Variants in FOXD4L6 observed in about 807,000 individuals in gnomAD.
FOXD4L6 encodes forkhead box protein D4-like 6.
In FOXD4L6, 1 loss-of-function variant was observed where a neutral mutation model predicts 12.9. The ratio of observed to expected loss-of-function variants is 0.08; its 90% CI spans 0.03 to 0.37. The LOEUF is 0.37. Among genes scored for constraint, FOXD4L6 ranks in the 10% least tolerant of loss-of-function variants. FOXD4L6 has a pLI of 0.99. For missense variants in FOXD4L6, 23 were observed against 369.9 expected (o/e 0.06, Z 7.69); for synonymous variants, 10 against 164.7 (o/e 0.06, Z 7.19).
rs1429652608 is a variant in FOXD4L6, at chr9:41,126,951, G to T, written c.*179C>A. The T allele has an allele frequency of 3.9e-6, 6 of 1,525,014 alleles. 1 individual carries two copies. The highest frequency in any genetic ancestry group is 1.3e-5 in the South Asian group (1 of 76,622). The allele number at this position is 1,525,014 out of a possible 1,614,324, so 94.5% of individuals were successfully genotyped here. ...GATGCACACGCCCTGAATGGGCCGC[G>T]CAAGGTGAAGTGAGCAGCTGCGGGT... On this transcript the variant is annotated 3_prime_UTR_variant, in exon 1 of 1. Coordinates refer to ENST00000622588, the MANE Select transcript of FOXD4L6 (RefSeq NM_001085476.4).
rs577716582 is a variant in FOXD4L6, at chr9:41,126,999, C to G, written c.*131G>C. ...GGTCGCTCCCCACTCCCACCTGGCTCTAGGAGGGCCCTGCGGAGTTGGCCA... is the reference window on the plus strand; with the variant it reads ...GGTCGCTCCCCACTCCCACCTGGCTGTAGGAGGGCCCTGCGGAGTTGGCCA... On this transcript the variant is annotated 3_prime_UTR_variant, in exon 1 of 1. Coordinates refer to ENST00000622588, the MANE Select transcript of FOXD4L6 (RefSeq NM_001085476.4). 2.0e-5 allele frequency: 31 copies of G among 1,513,470 alleles called. 1 individual carries two copies. The African/African-American group carries it at 4.4e-4, about 21-fold the overall frequency. The allele number at this position is 1,513,470 out of a possible 1,614,324, so 93.8% of individuals were successfully genotyped here.
In FOXD4L6 at chr9:41,127,214, G is replaced by A; in HGVS notation, c.1170C>T (p.Ile390=). The change falls in exon 1 of 1, where the codon ATC becomes ATT. Residue 390 remains isoleucine (I), a synonymous_variant. Coordinates refer to ENST00000622588, the MANE Select transcript of FOXD4L6 (RefSeq NM_001085476.4). ...CAGCCGTTGGCGCAGTCCTCCTCCTGATGCTGCTGCTATTGCTGCAAAATT... is the reference window on the plus strand; with the variant it reads ...CAGCCGTTGGCGCAGTCCTCCTCCTAATGCTGCTGCTATTGCTGCAAAATT... ...LGQFCSNSSS[I]RRRTAPTAAL... 1.2e-6 allele frequency: 2 copies of A among 1,609,352 alleles called. No homozygotes were observed. The highest frequency in any genetic ancestry group is 1.7e-6 in the Non-Finnish European group (2 of 1,178,908).
chr9:41,126,949 G>A lies in FOXD4L6; in HGVS notation c.*181C>T. On this transcript the variant is annotated 3_prime_UTR_variant, in exon 1 of 1. Coordinates refer to ENST00000622588, the MANE Select transcript of FOXD4L6 (RefSeq NM_001085476.4). The stretch of plus-strand genomic sequence containing the variant: ...CAGATGCACACGCCCTGAATGGGCC[G>A]CGCAAGGTGAAGTGAGCAGCTGCGG... The A allele has an allele frequency of 6.6e-7, 1 of 1,524,424 alleles. No individual in the cohort carries two copies. The highest frequency in any genetic ancestry group is 8.8e-7 in the Non-Finnish European group (1 of 1,139,290). 94.4% of individuals were successfully genotyped at this position (1,524,424 alleles called of 1,614,324 possible). A position where few individuals can be genotyped will look rare whatever the true frequency, so the allele number is the denominator to read the frequency against.
Position 41,127,337 on chromosome 9 carries a change from A to G in FOXD4L6, c.1047T>C (p.Arg349=), listed in dbSNP as rs1455188581. Residue 349 remains arginine, a synonymous_variant, in exon 1 of 1, where the codon CGT becomes CGC. Transcript: ENST00000622588. ...CGCTGGAGCAGGTGGCAGTAGCTCC[A>G]CGCGGTCGGGGACAAACTCTGCGCA... ...QGLRRVCPRP[R]GATATCSSDH... is the part of the protein sequence containing the mutation. 6.2e-7 allele frequency: 1 copy of G among 1,611,740 alleles called. No individual in the cohort carries two copies. Among genetic ancestry groups the G allele is most frequent in the African/African-American group, 1.3e-5 (1 of 74,918 alleles).
rs1224625708 is a variant in FOXD4L6 at position 41,127,061 on chromosome 9, A to G, written c.*69T>C. On this transcript the variant is annotated 3_prime_UTR_variant, in exon 1 of 1. Coordinates refer to ENST00000622588, the MANE Select transcript of FOXD4L6 (RefSeq NM_001085476.4). ...GTGGGCGATACTAAAAAAACTGGTG[A>G]GGTCCCCTCTCCGCCCAAAGGGGCA... 1 of 1,336,248 alleles carries G rather than the reference A, an allele frequency of 7.5e-7. No individual in the cohort carries two copies. Among genetic ancestry groups the G allele is most frequent in the Admixed American group, 2.7e-5 (1 of 37,652 alleles). The allele number at this position is 1,336,248 out of a possible 1,614,324, so 82.8% of individuals were successfully genotyped here.
chr9:41,126,831 C>G lies in FOXD4L6; in HGVS notation c.*299G>C. Reference sequence around the variant, plus strand: ...ATGACTTGACGCCCTGCGAAGGTTACGTTCAGGTGGTTTTTAGAGGAACGT... The same window carrying G: ...ATGACTTGACGCCCTGCGAAGGTTAGGTTCAGGTGGTTTTTAGAGGAACGT... On this transcript the variant is annotated 3_prime_UTR_variant, in exon 1 of 1. Transcript: ENST00000622588. 1 of 562,798 alleles carries G rather than the reference C, an allele frequency of 1.8e-6. No individual in the cohort carries two copies. The highest frequency in any genetic ancestry group is 3.2e-6 in the Non-Finnish European group (1 of 313,630). The allele number at this position is 562,798 out of a possible 1,614,324, so 34.9% of individuals were successfully genotyped here.
rs1824933413 is a variant in FOXD4L6, at chr9:41,126,971, G to A, written c.*159C>T. 3 of 1,525,682 alleles carry A rather than the reference G, an allele frequency of 2.0e-6. No individual in the cohort carries two copies. In the East Asian group the frequency reaches 6.8e-5, roughly 35 times the overall value. The allele number at this position is 1,525,682 out of a possible 1,614,324, so 94.5% of individuals were successfully genotyped here. ...GCCGCGCAAGGTGAAGTGAGCAGCT[G>A]CGGGTCGCTCCCCACTCCCACCTGG... On this transcript the variant is annotated 3_prime_UTR_variant, in exon 1 of 1. Transcript: ENST00000622588.
chr9:41,126,901 C>G lies in FOXD4L6; in HGVS notation c.*229G>C. Reference sequence around the variant, plus strand: ...AACCATTTTGCAGCGAACAGAAGTTCGTGTTTGCTCTCCAGCGGGATTCAG... The same window carrying G: ...AACCATTTTGCAGCGAACAGAAGTTGGTGTTTGCTCTCCAGCGGGATTCAG... On this transcript the variant is annotated 3_prime_UTR_variant, in exon 1 of 1. Transcript: ENST00000622588. 1 of 1,318,840 alleles carries G rather than the reference C, an allele frequency of 7.6e-7. No homozygotes were observed. 81.7% of individuals were successfully genotyped at this position (1,318,840 alleles called of 1,614,324 possible). A position where few individuals can be genotyped will look rare whatever the true frequency, so the allele number is the denominator to read the frequency against.
rs1264413653 is a variant in FOXD4L6 at position 41,126,990 on chromosome 9, C to G, written c.*140G>C. The stretch of plus-strand genomic sequence containing the variant: ...GCAGCTGCGGGTCGCTCCCCACTCC[C>G]ACCTGGCTCTAGGAGGGCCCTGCGG... On this transcript the variant is annotated 3_prime_UTR_variant, in exon 1 of 1. Coordinates refer to ENST00000622588, the MANE Select transcript of FOXD4L6 (RefSeq NM_001085476.4). The G allele has an allele frequency of 1.8e-5, 27 of 1,519,550 alleles. 1 individual carries two copies. The highest frequency in any genetic ancestry group is 2.3e-5 in the Non-Finnish European group (26 of 1,136,520). 94.1% of individuals were successfully genotyped at this position (1,519,550 alleles called of 1,614,324 possible). A position where few individuals can be genotyped will look rare whatever the true frequency, so the allele number is the denominator to read the frequency against.
chr9:41,127,284 G>T lies in FOXD4L6; in HGVS notation c.1100C>A (p.Pro367Gln). ...SDHQACCIPR[P>Q]LPLCCKCPPP... ...CGGACACTTGCAGCAAAGGGGCAGC[G>T]GTCTGGGGATGCAACAGGCTTGATG... The change falls in exon 1 of 1, where the codon CCG (proline) becomes CAG (glutamine). Residue 367 changes from proline to glutamine, a missense_variant. Pro to Gln is a moderately conservative substitution (Grantham distance 76). Transcript: ENST00000622588. 1.2e-6 allele frequency: 2 copies of T among 1,606,096 alleles called. No individual in the cohort carries two copies. The highest frequency in any genetic ancestry group is 1.7e-6 in the Non-Finnish European group (2 of 1,175,944).
chr9:41,126,937 C>T lies in FOXD4L6; in HGVS notation c.*193G>A. 6.6e-7 allele frequency: 1 copy of T among 1,515,858 alleles called. No homozygotes were observed. The allele number at this position is 1,515,858 out of a possible 1,614,324, so 93.9% of individuals were successfully genotyped here. A position where few individuals can be genotyped will look rare whatever the true frequency, so the allele number is the denominator to read the frequency against. On this transcript the variant is annotated 3_prime_UTR_variant, in exon 1 of 1. Coordinates refer to ENST00000622588, the MANE Select transcript of FOXD4L6 (RefSeq NM_001085476.4). ...TCCAGCGGGATTCAGATGCACACGC[C>T]CTGAATGGGCCGCGCAAGGTGAAGT...
chr9:41,126,890 G>A lies in FOXD4L6; in HGVS notation c.*240C>T, dbSNP rs534254723. The A allele has an allele frequency of 1.8e-6, 2 of 1,107,284 alleles. No homozygotes were observed. Among genetic ancestry groups the A allele is most frequent in the African/African-American group, 1.6e-5 (1 of 62,740 alleles). 68.6% of individuals were successfully genotyped at this position (1,107,284 alleles called of 1,614,324 possible). A position where few individuals can be genotyped will look rare whatever the true frequency, so the allele number is the denominator to read the frequency against. On this transcript the variant is annotated 3_prime_UTR_variant, in exon 1 of 1. Coordinates refer to ENST00000622588, the MANE Select transcript of FOXD4L6 (RefSeq NM_001085476.4). ...TGTTTCTTTCTAACCATTTTGCAGC[G>A]AACAGAAGTTCGTGTTTGCTCTCCA...
At position 41,126,935 on chromosome 9, in the gene FOXD4L6, G is replaced by T. The variant is rs1824932917; in HGVS notation, c.*195C>A. Reference sequence around the variant, plus strand: ...TCTCCAGCGGGATTCAGATGCACACGCCCTGAATGGGCCGCGCAAGGTGAA... The same window carrying T: ...TCTCCAGCGGGATTCAGATGCACACTCCCTGAATGGGCCGCGCAAGGTGAA... On this transcript the variant is annotated 3_prime_UTR_variant, in exon 1 of 1. Coordinates refer to ENST00000622588, the MANE Select transcript of FOXD4L6 (RefSeq NM_001085476.4). 13 of 1,509,670 alleles carry T rather than the reference G, an allele frequency of 8.6e-6. 2 individuals carry two copies. The South Asian group carries it at 1.6e-4, about 19-fold the overall frequency. The allele number at this position is 1,509,670 out of a possible 1,614,324, so 93.5% of individuals were successfully genotyped here. A position where few individuals can be genotyped will look rare whatever the true frequency, so the allele number is the denominator to read the frequency against.
rs75473098 is a variant in FOXD4L6, at chr9:41,126,959, A to G, written c.*171T>C. 3.3e-6 allele frequency: 5 copies of G among 1,527,754 alleles called. No individual in the cohort carries two copies. The highest frequency in any genetic ancestry group is 4.3e-5 in the Admixed American group (2 of 46,538). The allele number at this position is 1,527,754 out of a possible 1,614,324, so 94.6% of individuals were successfully genotyped here. A position where few individuals can be genotyped will look rare whatever the true frequency, so the allele number is the denominator to read the frequency against. Reference sequence around the variant, plus strand: ...CGCCCTGAATGGGCCGCGCAAGGTGAAGTGAGCAGCTGCGGGTCGCTCCCC... The same window carrying G: ...CGCCCTGAATGGGCCGCGCAAGGTGGAGTGAGCAGCTGCGGGTCGCTCCCC... On this transcript the variant is annotated 3_prime_UTR_variant, in exon 1 of 1. Transcript: ENST00000622588.
At position 41,126,940 on chromosome 9, in the gene FOXD4L6, G is replaced by T; in HGVS notation, c.*190C>A. The T allele has an allele frequency of 6.6e-7, 1 of 1,519,322 alleles. No individual in the cohort carries two copies. The highest frequency in any genetic ancestry group is 8.8e-7 in the Non-Finnish European group (1 of 1,136,340). 94.1% of individuals were successfully genotyped at this position (1,519,322 alleles called of 1,614,324 possible). A position where few individuals can be genotyped will look rare whatever the true frequency, so the allele number is the denominator to read the frequency against. On this transcript the variant is annotated 3_prime_UTR_variant, in exon 1 of 1. Transcript: ENST00000622588. Reference sequence around the variant, plus strand: ...AGCGGGATTCAGATGCACACGCCCTGAATGGGCCGCGCAAGGTGAAGTGAG... The same window carrying T: ...AGCGGGATTCAGATGCACACGCCCTTAATGGGCCGCGCAAGGTGAAGTGAG...
chr9:41,126,837 G>A lies in FOXD4L6; in HGVS notation c.*293C>T. The A allele has an allele frequency of 1.7e-6, 1 of 579,912 alleles. No individual in the cohort carries two copies. 35.9% of individuals were successfully genotyped at this position (579,912 alleles called of 1,614,324 possible). ...TGACGCCCTGCGAAGGTTACGTTCA[G>A]GTGGTTTTTAGAGGAACGTAATCCA... is the stretch of plus-strand genomic sequence containing the variant. On this transcript the variant is annotated 3_prime_UTR_variant, in exon 1 of 1. Transcript: ENST00000622588.
At position 41,126,916 on chromosome 9, in the gene FOXD4L6, G is replaced by C; in HGVS notation, c.*214C>G. 6.8e-7 allele frequency: 1 copy of C among 1,463,926 alleles called. No homozygotes were observed. Among genetic ancestry groups the C allele is most frequent in the African/African-American group, 1.4e-5 (1 of 70,060 alleles). The allele number at this position is 1,463,926 out of a possible 1,614,324, so 90.7% of individuals were successfully genotyped here. A position where few individuals can be genotyped will look rare whatever the true frequency, so the allele number is the denominator to read the frequency against. ...AACAGAAGTTCGTGTTTGCTCTCCA[G>C]CGGGATTCAGATGCACACGCCCTGA... is the stretch of plus-strand genomic sequence containing the variant. On this transcript the variant is annotated 3_prime_UTR_variant, in exon 1 of 1. Transcript: ENST00000622588.
the FOXD4L6 span, chr9:41,127,446 AC>A: frequency 1.0e-5 from 8 of 778,320 alleles, no homozygotes; most frequent in Admixed American, 1.1e-4. Context: ...GCGACGCCAG[AC>A]CCTTGCCCTC....
chr9:41,126,881 T>C lies in FOXD4L6; in HGVS notation c.*249A>G, dbSNP rs1824932176. On this transcript the variant is annotated 3_prime_UTR_variant, in exon 1 of 1. Transcript: ENST00000622588. ...TAATCCAGCTGTTTCTTTCTAACCA[T>C]TTTGCAGCGAACAGAAGTTCGTGTT... The C allele has an allele frequency of 3.6e-6, 3 of 842,252 alleles. No homozygotes were observed. The South Asian group carries it at 5.1e-5, about 14-fold the overall frequency. The allele number at this position is 842,252 out of a possible 1,614,324, so 52.2% of individuals were successfully genotyped here.
Sources: allele counts gnomAD v4.1 joint callset, GRCh38; gene constraint gnomAD v4.1.1; transcripts MANE v1.5; gene names NCBI Gene and HGNC (gene_info 2026-07-23, HGNC 2026-07-21).